Variants in GABARAPL1 observed in about 807,000 individuals in gnomAD.
GABARAPL1 encodes the protein gamma-aminobutyric acid receptor-associated protein-like 1.
In GABARAPL1, 4 loss-of-function variants were observed where a neutral mutation model predicts 14.5. The ratio of observed to expected loss-of-function variants is 0.28; its 90% CI spans 0.14 to 0.63. GABARAPL1 has a LOEUF of 0.63. Ranked by LOEUF, GABARAPL1 falls within the 30% of genes least tolerant of loss-of-function variation. GABARAPL1 has a pLI of 0.84. For missense variants in GABARAPL1, 82 were observed against 139.2 expected, an observed-to-expected ratio of 0.59 and a Z score of 2.07; for synonymous variants, 47 against 50.6, an observed-to-expected ratio of 0.93 and a Z score of 0.30.
At position 10,212,914 on chromosome 12, in the gene GABARAPL1, A is replaced by C; in HGVS notation, c.-216A>C. On this transcript the variant is annotated 5_prime_UTR_variant, in exon 1 of 4. Coordinates refer to ENST00000266458, the MANE Select transcript of GABARAPL1 (RefSeq NM_031412.4). Reference sequence around the variant, plus strand: ...CCAGCTCTAGCGAAAAGCCGCCGGTATTTCTCCATCTGGCTCTCCTCTACC... The same window carrying C: ...CCAGCTCTAGCGAAAAGCCGCCGGTCTTTCTCCATCTGGCTCTCCTCTACC... The C allele has an allele frequency of 4.1e-6, 2 of 486,530 alleles. No homozygotes were observed. The highest frequency in any genetic ancestry group is 3.7e-6 in the Non-Finnish European group (1 of 269,088). The allele number at this position is 486,530 out of a possible 1,614,324, so 30.1% of individuals were successfully genotyped here.
At position 10,220,859 on chromosome 12, in the gene GABARAPL1, A is replaced by G. The variant is rs1949117312; in HGVS notation, c.288+301A>G. The G allele has an allele frequency of 4.2e-6, 6 of 1,417,826 alleles. No homozygotes were observed. In the South Asian group the frequency reaches 9.6e-5, roughly 23 times the overall value. 87.8% of individuals were successfully genotyped at this position (1,417,826 alleles called of 1,614,324 possible). A position where few individuals can be genotyped will look rare whatever the true frequency, so the allele number is the denominator to read the frequency against. On this transcript the variant is annotated intron_variant, in intron 3 of 3. Transcript: ENST00000266458. ...CAGCAGGAAGTGATTCCTGATAGCAAAAGTTCCAAAGCGTCAGCCCATCGC... is the reference window on the plus strand; with the variant it reads ...CAGCAGGAAGTGATTCCTGATAGCAGAAGTTCCAAAGCGTCAGCCCATCGC...
At chr12:10,220,923 T>C in intron 3 of GABARAPL1, 6 of 1,348,906 alleles carry the variant, frequency 4.4e-6, no homozygotes, top group Non-Finnish European at 5.7e-6. Flanking sequence ...TAATTTGTAA[T>C]GCATTCAGAA....
intron 1 of GABARAPL1, among the ~76,000 whole-genome samples, chr12:10,215,899 T>G (rs1216718863): frequency 9.3e-4 from 8 of 8,558 alleles, no homozygotes; most frequent in African/African-American, 1.2e-3. Context: ...GTTTTTGTTG[T>G]TTTTTTTTTT....
chr12:10,219,436 C>T (rs1949108336), intron 2 of GABARAPL1, among the ~76,000 whole-genome samples: 2 of 151,942 alleles, frequency 1.3e-5, no homozygotes, highest in African/African-American at 4.8e-5. Context: ...TTTAGAGTTT[C>T]CTGATTAAAT....
intron 2 of GABARAPL1, among the ~76,000 whole-genome samples, chr12:10,219,326 C>A (rs28671432): frequency 0.033 from 3,316 of 100,390 alleles, 139 homozygotes; most frequent in African/African-American, 0.087. Context: ...CTCAAAAAAA[C>A]AAAAAACAAA....
rs1015025496 is a variant in GABARAPL1 at position 10,221,683 on chromosome 12, A to G, written c.289-104A>G. On this transcript the variant is annotated intron_variant, in intron 3 of 3. Coordinates refer to ENST00000266458, the MANE Select transcript of GABARAPL1 (RefSeq NM_031412.4). ...TTTGCTCCTCTTTTAAATGGGGACT[A>G]ATGATACCTTCCATACCTGCTTTAC... is the stretch of plus-strand genomic sequence containing the variant. 2.3e-6 allele frequency: 3 copies of G among 1,300,070 alleles called. No homozygotes were observed. In the African/African-American group the frequency reaches 4.3e-5, roughly 19 times the overall value. The allele number at this position is 1,300,070 out of a possible 1,614,324, so 80.5% of individuals were successfully genotyped here. A position where few individuals can be genotyped will look rare whatever the true frequency, so the allele number is the denominator to read the frequency against.
chr12:10,214,120 G>C (rs914197796), intron 1 of GABARAPL1: 1 of 238,892 alleles, frequency 4.2e-6, no homozygotes, highest in Non-Finnish European at 8.8e-6. Flanking sequence ...AGTGGTAGGG[G>C]GACCAGCAGC....
chr12:10,219,692 C>T (rs111504830), intron 2 of GABARAPL1, among the ~76,000 whole-genome samples: 3 of 151,692 alleles, frequency 2.0e-5, no homozygotes, highest in Non-Finnish European at 4.4e-5. Flanking sequence ...CCCAGCTACT[C>T]GGGAGGCTGA....
intron 1 of GABARAPL1, chr12:10,214,180 ATCTTC>A: frequency 4.2e-6 from 1 of 235,914 alleles, no homozygotes; most frequent in Non-Finnish European, 8.9e-6. Flanking sequence ...TGTGCTCTTT[ATCTTC>A]AGGTAGGAAC....
Position 10,221,945 on chromosome 12 carries a change from G to T in GABARAPL1, c.*93G>T, listed in dbSNP as rs1355670954. The T allele has an allele frequency of 2.9e-5, 31 of 1,062,128 alleles. No homozygotes were observed. Among genetic ancestry groups the T allele is most frequent in the Non-Finnish European group, 3.9e-5 (27 of 690,200 alleles). The allele number at this position is 1,062,128 out of a possible 1,614,324, so 65.8% of individuals were successfully genotyped here. On this transcript the variant is annotated 3_prime_UTR_variant, in exon 4 of 4. Coordinates refer to ENST00000266458, the MANE Select transcript of GABARAPL1 (RefSeq NM_031412.4). ...ATGGGGAAAGAGGGTGGCTCCCACC[G>T]CAAGGAGACAGAAGGTGAAGACATC...
At position 10,221,811 on chromosome 12, in the gene GABARAPL1, C is replaced by T. The variant is rs1298863560; in HGVS notation, c.313C>T (p.Leu105=). The change falls in exon 4 of 4, where the codon CTG becomes TTG. Residue 105 remains leucine, a synonymous_variant. Transcript: ENST00000266458. The part of the protein sequence containing the change: ...YEDNHEEDYF[L]YVAYSDESVY... ...GGACAATCATGAGGAAGACTATTTT[C>T]TGTATGTGGCCTACAGTGATGAGAG... 4.3e-6 allele frequency: 7 copies of T among 1,614,054 alleles called. No individual in the cohort carries two copies. The East Asian group carries it at 1.6e-4, about 36-fold the overall frequency.
At position 10,222,042 on chromosome 12, in the gene GABARAPL1, G is replaced by A. The variant is rs1479565097; in HGVS notation, c.*190G>A. On this transcript the variant is annotated 3_prime_UTR_variant, in exon 4 of 4. Coordinates refer to ENST00000266458, the MANE Select transcript of GABARAPL1 (RefSeq NM_031412.4). ...AATTGATATTTTTTGCTGCTTCCTC[G>A]GCCCAGGGAGAAAGCATGTCAGGAC... 2.7e-5 allele frequency: 16 copies of A among 597,532 alleles called. No individual in the cohort carries two copies. The highest frequency in any genetic ancestry group is 2.0e-4 in the South Asian group (11 of 53,700). The allele number at this position is 597,532 out of a possible 1,614,324, so 37.0% of individuals were successfully genotyped here. A position where few individuals can be genotyped will look rare whatever the true frequency, so the allele number is the denominator to read the frequency against.
intron 1 of GABARAPL1, 181 bp downstream of exon 1, chr12:10,213,400 A>C: frequency 1.5e-6 from 1 of 674,918 alleles, no homozygotes; most frequent in Non-Finnish European, 2.7e-6. Flanking sequence ...AGAGCTTTTA[A>C]AACCCCGTAT....
chr12:10,214,581 G>A (rs1949077658), intron 1 of GABARAPL1: 1 of 152,098 alleles, frequency 6.6e-6, no homozygotes, highest in African/African-American at 2.4e-5. Flanking sequence ...ATACAATCAA[G>A]TTTTATTGAT....
Position 10,220,327 on chromosome 12 carries a change from G to A in GABARAPL1, c.170-113G>A, listed in dbSNP as rs1382567646. 5.4e-6 allele frequency: 8 copies of A among 1,483,524 alleles called. No individual in the cohort carries two copies. The African/African-American group carries it at 1.1e-4, about 21-fold the overall frequency. 91.9% of individuals were successfully genotyped at this position (1,483,524 alleles called of 1,614,324 possible). A position where few individuals can be genotyped will look rare whatever the true frequency, so the allele number is the denominator to read the frequency against. The stretch of plus-strand genomic sequence containing the variant: ...TCTTCTCAGATGGTATATAAAGCTG[G>A]TACTGACTCTAAGGTGAAAAAATGC... On this transcript the variant is annotated intron_variant, in intron 2 of 3. Transcript: ENST00000266458.
intron 1 of GABARAPL1, among the ~76,000 whole-genome samples, chr12:10,217,385 AC>A (rs1949096625): frequency 1.3e-5 from 2 of 152,206 alleles, no homozygotes; most frequent in African/African-American, 2.4e-5. Flanking sequence ...ATAATAACTT[AC>A]AGGTGATCAG....
chr12:10,215,354 G>A (rs1033919458), intron 1 of GABARAPL1, among the ~76,000 whole-genome samples: 1 of 152,210 alleles, frequency 6.6e-6, no homozygotes, highest in South Asian at 2.1e-4. Context: ...GAGAGGAAGG[G>A]TTGGTGGGAT....
chr12:10,220,573 T>C lies in GABARAPL1; in HGVS notation c.288+15T>C, dbSNP rs766280617. 9 of 1,614,094 alleles carry C rather than the reference T, an allele frequency of 5.6e-6. No individual in the cohort carries two copies. Among genetic ancestry groups the C allele is most frequent in the Non-Finnish European group, 7.6e-6 (9 of 1,179,988 alleles). On this transcript the variant is annotated intron_variant, in intron 3 of 3. Coordinates refer to ENST00000266458, the MANE Select transcript of GABARAPL1 (RefSeq NM_031412.4). The stretch of plus-strand genomic sequence containing the variant: ...AACTGTATGAGGTAATGGTTCTGGT[T>C]GCACAATACTGGATGCCGTCCAGTG...
Position 10,213,054 on chromosome 12 carries a change from G to C in GABARAPL1, c.-76G>C, listed in dbSNP as rs1949066505. 1 of 881,814 alleles carries C rather than the reference G, an allele frequency of 1.1e-6. No individual in the cohort carries two copies. The highest frequency in any genetic ancestry group is 1.4e-5 in the South Asian group (1 of 69,704). The allele number at this position is 881,814 out of a possible 1,614,324, so 54.6% of individuals were successfully genotyped here. A position where few individuals can be genotyped will look rare whatever the true frequency, so the allele number is the denominator to read the frequency against. ...CTATTCTGAGCACACCTTGACGTCGGCTGAGGGAGCGGGACAGGGTCAGCG... is the reference window on the plus strand; with the variant it reads ...CTATTCTGAGCACACCTTGACGTCGCCTGAGGGAGCGGGACAGGGTCAGCG... On this transcript the variant is annotated 5_prime_UTR_variant, in exon 1 of 4. Coordinates refer to ENST00000266458, the MANE Select transcript of GABARAPL1 (RefSeq NM_031412.4).
Sources: gnomAD v4.1 joint callset for allele counts (sites outside exome capture counted in the v4.1 genomes callset) on GRCh38, gnomAD v4.1.1 for gene constraint, MANE v1.5 for transcripts, NCBI Gene and HGNC (gene_info 2026-07-23, HGNC 2026-07-21) for gene names.